The following MARK3 variants were observed in gnomAD, a reference collection of about 807,000 sequenced individuals.
The protein encoded by MARK3 is microtubule affinity regulating kinase 3, also known as MAP/microtubule affinity-regulating kinase 3.
MARK3 carries 46 observed loss-of-function variants against 90.1 expected under a neutral mutation model. The observed-to-expected ratio is 0.51, with a 90% confidence interval of 0.40 to 0.65. The LOEUF (loss-of-function observed/expected upper bound fraction) is 0.65, where lower values mean the gene tolerates loss of function less well. Among genes scored for constraint, MARK3 ranks in the 30% least tolerant of loss-of-function variants. MARK3 has a pLI of 0.00. For missense variants in MARK3, 818 were observed against 947.2 expected (o/e 0.86, Z 1.79); for synonymous variants, 321 against 332.6 (o/e 0.97, Z 0.38).
chr14:103,452,881 C>T (rs574659736), intron 5 of MARK3, among the ~76,000 whole-genome samples: 1 of 152,186 alleles, frequency 6.6e-6, no homozygotes, highest in Non-Finnish European at 1.5e-5. Context: ...GAATAATACT[C>T]CATTGTGTGT....
At chr14:103,466,492 T>C in intron 10 of MARK3, 50 bp downstream of exon 10, 2 of 1,254,998 alleles carry the variant, frequency 1.6e-6, no homozygotes, top group South Asian at 1.3e-5. Context: ...AAGTAACATA[T>C]TTCTGTTTTG....
At chr14:103,409,263 CAG>C (rs2091483347) in intron 2 of MARK3, among the ~76,000 whole-genome samples, 1 of 151,342 alleles carries the variant, frequency 6.6e-6, no homozygotes, top group Non-Finnish European at 1.5e-5. Flanking sequence ...CACATGGACA[CAG>C]GGAGGGGAAC....
chr14:103,394,939 C>T (rs548989109), intron 1 of MARK3, among the ~76,000 whole-genome samples: 28 of 152,214 alleles, frequency 1.8e-4, no homozygotes, highest in Non-Finnish European at 2.5e-4. Flanking sequence ...CCCGCCACCA[C>T]GCCTGGCTAA....
At chr14:103,431,980 C>T (rs551045914) in intron 3 of MARK3, among the ~76,000 whole-genome samples, 15 of 151,850 alleles carry the variant, frequency 9.9e-5, no homozygotes, top group Admixed American at 3.3e-4. Context: ...ATTGTTTCCC[C>T]CCTCCCACCT....
chr14:103,440,317 A>G (rs1223642124), intron 3 of MARK3, among the ~76,000 whole-genome samples: 3 of 152,196 alleles, frequency 2.0e-5, no homozygotes, highest in African/African-American at 7.2e-5. Flanking sequence ...TCTTAAATAT[A>G]TATACTTAGA....
At chr14:103,398,837 GTTTGTTTTTGTT>G (rs759298411) in intron 1 of MARK3, among the ~76,000 whole-genome samples, 2 of 152,178 alleles carry the variant, frequency 1.3e-5, no homozygotes, top group South Asian at 4.1e-4. Context: ...TGGCTTTGTA[GTTTGTTTTTGTT>G]TTTGTTTTTT....
At chr14:103,394,881 C>G (rs977502386) in intron 1 of MARK3, among the ~76,000 whole-genome samples, 116 of 152,230 alleles carry the variant, frequency 7.6e-4, no homozygotes, top group African/African-American at 2.7e-3. Flanking sequence ...CTCCTGGGTT[C>G]AAGTGATTGT....
At chr14:103,406,394 A>AT (rs71126015) in intron 2 of MARK3, among the ~76,000 whole-genome samples, 88,283 of 141,040 alleles carry the variant, frequency 0.63, 27,428 homozygotes, top group East Asian at 0.8. Flanking sequence ...CTGGCTAATT[A>AT]TTTTTTTTTT....
intron 5 of MARK3, among the ~76,000 whole-genome samples, chr14:103,455,250 T>C (rs959051626): frequency 4.6e-5 from 7 of 152,242 alleles, no homozygotes; most frequent in African/African-American, 1.7e-4. Flanking sequence ...CTATATGATA[T>C]TCACTCATGT....
intron 1 of MARK3, among the ~76,000 whole-genome samples, chr14:103,389,696 C>G (rs1270915501): frequency 6.6e-6 from 1 of 151,922 alleles, no homozygotes; most frequent in African/African-American, 2.4e-5. Flanking sequence ...GTAATCCCAG[C>G]ACTTTGGGAG....
intron 11 of MARK3, 174 bp downstream of exon 11, chr14:103,467,365 C>A: frequency 2.4e-6 from 1 of 415,476 alleles, no homozygotes; most frequent in South Asian, 3.7e-5. Context: ...TTTAACTTAA[C>A]CCTTAATGAT....
intron 1 of MARK3, among the ~76,000 whole-genome samples, chr14:103,399,935 C>G (rs1489998773): frequency 5.0e-5 from 1 of 19,900 alleles, no homozygotes; most frequent in East Asian, 2.0e-3. Context: ...CCCCCCCACC[C>G]TCCTTTTTTT....
intron 6 of MARK3, among the ~76,000 whole-genome samples, chr14:103,461,506 A>C (rs1056706388): frequency 6.6e-6 from 1 of 152,224 alleles, no homozygotes; most frequent in Non-Finnish European, 1.5e-5. Context: ...AGTAGTTTTC[A>C]TAGTTCACGT....
intron 2 of MARK3, among the ~76,000 whole-genome samples, chr14:103,407,367 ATC>A (rs991138640): frequency 1.7e-4 from 26 of 152,034 alleles, no homozygotes; most frequent in African/African-American, 6.0e-4. Context: ...AAGTTTCTTA[ATC>A]TCTCTACTTT....
intron 3 of MARK3, among the ~76,000 whole-genome samples, chr14:103,447,088 G>A (rs1358637131): frequency 6.6e-6 from 1 of 152,056 alleles, no homozygotes; most frequent in Non-Finnish European, 1.5e-5. Flanking sequence ...GATAGGAAAG[G>A]TTATTTATCT....
intron 2 of MARK3, among the ~76,000 whole-genome samples, chr14:103,410,249 C>T (rs149078886): frequency 6.6e-6 from 1 of 152,060 alleles, no homozygotes; most frequent in Non-Finnish European, 1.5e-5. Flanking sequence ...CTTCTTGATA[C>T]ATGAAGGGCG....
intron 1 of MARK3, among the ~76,000 whole-genome samples, chr14:103,399,738 T>TG (rs1306603624): frequency 1.3e-5 from 2 of 150,564 alleles, no homozygotes; most frequent in Non-Finnish European, 1.5e-5. Flanking sequence ...GAAAGGAATT[T>TG]GGAGGTATGC....
At chr14:103,499,933 A>T in intron 16 of MARK3, 2 of 567,822 alleles carry the variant, frequency 3.5e-6, no homozygotes, top group Non-Finnish European at 6.4e-6. Flanking sequence ...AGTGTGCAGC[A>T]TGGAGCTGGC....
chr14:103,496,603 G>C (rs1392138989), intron 15 of MARK3, among the ~76,000 whole-genome samples: 3 of 151,984 alleles, frequency 2.0e-5, no homozygotes, highest in African/African-American at 7.2e-5. Flanking sequence ...AGTAGAGACA[G>C]GGTTTCACCA....
Sources: gnomAD v4.1 joint callset for allele counts (sites outside exome capture counted in the v4.1 genomes callset) on GRCh38, gnomAD v4.1.1 for gene constraint, MANE v1.5 for transcripts, NCBI Gene and HGNC (gene_info 2026-07-23, HGNC 2026-07-21) for gene names.